The following KCNS3 variants were observed in gnomAD, a reference collection of about 807,000 sequenced individuals.
KCNS3 encodes the protein potassium voltage-gated channel modifier subfamily S member 3.
Under a neutral mutation model 31.0 loss-of-function variants are expected in KCNS3, and 13 were observed. That is an observed-to-expected ratio of 0.42 (90% CI 0.27 to 0.67). KCNS3 has a LOEUF of 0.67. Among genes scored for constraint, KCNS3 ranks in the 30% least tolerant of loss-of-function variants. KCNS3 has a pLI of 0.25. For synonymous variants in KCNS3, 238 were observed against 241.5 expected (o/e 0.99, Z 0.13); for missense variants, 545 against 622.4 (o/e 0.88, Z 1.32).
At chr2:17,892,040 T>A (rs1661868840) in intron 1 of KCNS3, among the ~76,000 whole-genome samples, 1 of 152,182 alleles carries the variant, frequency 6.6e-6, no homozygotes, top group Non-Finnish European at 1.5e-5. Flanking sequence ...TTTAGAATTC[T>A]CTTCTTCCTC....
intron 1 of KCNS3, among the ~76,000 whole-genome samples, chr2:17,903,082 G>A (rs761934812): frequency 4.6e-5 from 7 of 152,166 alleles, no homozygotes; most frequent in African/African-American, 7.2e-5. Flanking sequence ...CACGTTTGTT[G>A]TGATTTTTCT....
intron 1 of KCNS3, among the ~76,000 whole-genome samples, chr2:17,890,896 CTGT>C (rs1021520054): frequency 2.0e-5 from 3 of 152,094 alleles, no homozygotes; most frequent in Non-Finnish European, 4.4e-5. Context: ...AACGTGTATT[CTGT>C]GGTTGTTGGA....
At chr2:17,914,748 A>G (rs1361515429) in intron 1 of KCNS3, among the ~76,000 whole-genome samples, 2 of 152,138 alleles carry the variant, frequency 1.3e-5, no homozygotes, top group East Asian at 1.9e-4. Context: ...ATGTGACAAC[A>G]TTTCAGAAGA....
chr2:17,931,570 G>C lies in KCNS3; in HGVS notation c.562G>C (p.Ala188Pro). The stretch of plus-strand genomic sequence containing the variant: ...GTACTGCCTGTCCGCTAAGCTTATC[G>C]CTATCTCCTCCTTGAGCGTGGTGCT... ...PAYCLSAKLI[A>P]ISSLSVVLAS... Residue 188 changes from alanine to proline, a missense_variant, in exon 3 of 3, where the codon GCT becomes CCT. By Grantham distance (27) the Ala-to-Pro change is conservative (BLOSUM62 -1). Transcript: ENST00000304101. This position sits in a 1 kb window ranked among gnomAD's most constrained non-coding sequence, Gnocchi z 5.4. The C allele has an allele frequency of 1.2e-6, 2 of 1,614,132 alleles. 1 individual carries two copies. Among genetic ancestry groups the C allele is most frequent in the Non-Finnish European group, 1.7e-6 (2 of 1,180,004 alleles).
intron 2 of KCNS3, among the ~76,000 whole-genome samples, chr2:17,918,591 C>G (rs1310228964): frequency 1.3e-5 from 2 of 152,138 alleles, no homozygotes; most frequent in African/African-American, 2.4e-5. Flanking sequence ...AGCTCTTTGA[C>G]AAAAGTAGTA....
chr2:17,891,884 A>ACCTAGGTGTTTG (rs1661864936), intron 1 of KCNS3, among the ~76,000 whole-genome samples: 2 of 152,164 alleles, frequency 1.3e-5, no homozygotes, highest in Non-Finnish European at 2.9e-5. Flanking sequence ...AGCTTTGGGT[A>ACCTAGGTGTTTG]ACCTGTTGAC....
At chr2:17,907,043 A>G (rs1303231403) in intron 1 of KCNS3, among the ~76,000 whole-genome samples, 1 of 152,092 alleles carries the variant, frequency 6.6e-6, no homozygotes, top group South Asian at 2.1e-4. Context: ...TGATCTGTCT[A>G]ATGTTGACAG....
chr2:17,904,726 G>A (rs1469547720), intron 1 of KCNS3, among the ~76,000 whole-genome samples: 2 of 152,084 alleles, frequency 1.3e-5, no homozygotes, highest in Non-Finnish European at 2.9e-5. Flanking sequence ...AATCCTTTCC[G>A]CATTTCTTCT....
chr2:17,893,940 GTTT>G (rs5829612), intron 1 of KCNS3, among the ~76,000 whole-genome samples: 16 of 98,904 alleles, frequency 1.6e-4, no homozygotes, highest in East Asian at 9.3e-4. Flanking sequence ...CCAGGAGCCA[GTTT>G]TTTTTTTTTT....
In KCNS3 at chr2:17,930,620, T is replaced by C. The variant is rs1662939193; in HGVS notation, c.-59-330T>C. On this transcript the variant is annotated intron_variant, in intron 2 of 2. Coordinates refer to ENST00000304101, the MANE Select transcript of KCNS3 (RefSeq NM_002252.5). ...AGACGCTTGTATTATGTAAGTGATC[T>C]AAATTGCATTGTATTTTTGGGGGCA... is the stretch of plus-strand genomic sequence containing the variant. Among the ~76,000 whole-genome samples, 3 of 152,202 alleles carry C rather than the reference T, an allele frequency of 2.0e-5. No homozygotes were observed. The East Asian group carries it at 5.8e-4, about 29-fold the overall frequency.
rs1227632595 is a variant in KCNS3 at position 17,893,945 on chromosome 2, T to TTTTTTTG, written c.-252+15145_-252+15146insGTTTTTT. 1.0e-4 allele frequency among the ~76,000 whole-genome samples: 6 copies of TTTTTTTG among 59,488 alleles called. No individual in the cohort carries two copies. In the East Asian group the frequency reaches 1.0e-3, roughly 10 times the overall value. 39.0% of individuals were successfully genotyped at this position (59,488 alleles called of 152,430 possible). A position where few individuals can be genotyped will look rare whatever the true frequency, so the allele number is the denominator to read the frequency against. The stretch of plus-strand genomic sequence containing the variant: ...TGCCATGATCCCAGGAGCCAGTTTT[T>TTTTTTTG]TTTTTTTTTTTTTTTTTTTTTAATA... On this transcript the variant is annotated intron_variant, in intron 1 of 2. Transcript: ENST00000304101.
At chr2:17,918,479 A>G (rs908449153) in intron 2 of KCNS3, among the ~76,000 whole-genome samples, 3 of 152,192 alleles carry the variant, frequency 2.0e-5, no homozygotes, top group African/African-American at 2.4e-5. Context: ...CTCTTAGACA[A>G]GTGGGGACAG....
In KCNS3 at chr2:17,931,121, A is replaced by G. The variant is rs1171954199; in HGVS notation, c.113A>G (p.His38Arg). ...CAAAGCACCCTCCTGCGGTTTCCTC[A>G]CACCAGACTGGGGAAGCTGCTTACT... ...VDQSTLLRFP[H>R]TRLGKLLTCH... Residue 38 changes from histidine (H) to arginine (R), a missense_variant, in exon 3 of 3, where the codon CAC (histidine) becomes CGC (arginine). Coordinates refer to ENST00000304101, the MANE Select transcript of KCNS3 (RefSeq NM_002252.5). The surrounding 1 kb of genome is among the most constrained non-coding windows in gnomAD (Gnocchi z 5.4). The G allele has an allele frequency of 6.2e-7, 1 of 1,614,220 alleles. No homozygotes were observed. Among genetic ancestry groups the G allele is most frequent in the East Asian group, 2.2e-5 (1 of 44,890 alleles).
chr2:17,931,815 G>C lies in KCNS3; in HGVS notation c.807G>C (p.Thr269=), dbSNP rs778207777. The C allele has an allele frequency of 1.2e-6, 2 of 1,614,034 alleles. No individual in the cohort carries two copies. The highest frequency in any genetic ancestry group is 2.7e-5 in the African/African-American group (2 of 74,912). Residue 269 remains threonine (T), a synonymous_variant, in exon 3 of 3, where the codon ACG becomes ACC. Coordinates refer to ENST00000304101, the MANE Select transcript of KCNS3 (RefSeq NM_002252.5). The surrounding 1 kb of genome is among the most constrained non-coding windows in gnomAD (Gnocchi z 5.4). ...TCTCTATTATTCCCTTCTATGCCAC[G>C]TTGGCTGTAGACACCAAGGAGGAAG... ...DFVSIIPFYA[T]LAVDTKEEES...
At chr2:17,881,431 C>T (rs1166133763) in intron 1 of KCNS3, among the ~76,000 whole-genome samples, 2 of 152,178 alleles carry the variant, frequency 1.3e-5, no homozygotes, top group Non-Finnish European at 1.5e-5. Context: ...CTTGACATGT[C>T]ATTTTGCTAA....
intron 1 of KCNS3, among the ~76,000 whole-genome samples, chr2:17,904,385 A>G (rs1260999469): frequency 1.3e-5 from 2 of 152,310 alleles, no homozygotes; most frequent in African/African-American, 4.8e-5. Context: ...GTAGATTGCA[A>G]AAATGTTCTC....
rs753429258 is a variant in KCNS3 at position 17,932,491 on chromosome 2, G to A, written c.*7G>A. 5.6e-6 allele frequency: 9 copies of A among 1,600,000 alleles called. No homozygotes were observed. The African/African-American group carries it at 6.7e-5, about 12-fold the overall frequency. On this transcript the variant is annotated 3_prime_UTR_variant, in exon 3 of 3. Transcript: ENST00000304101. ...GAATTGCACAGCAAAATGAGCGGGG[G>A]TGTTTGTGCCTGTTTCTCTTATCCT...
At chr2:17,899,925 G>A (rs907168226) in intron 1 of KCNS3, among the ~76,000 whole-genome samples, 7 of 152,218 alleles carry the variant, frequency 4.6e-5, no homozygotes, top group Admixed American at 6.5e-5. Context: ...CCAAAATACA[G>A]TTGAATTTAA....
chr2:17,897,052 C>A (rs1204319030), intron 1 of KCNS3, among the ~76,000 whole-genome samples: 1 of 151,852 alleles, frequency 6.6e-6, no homozygotes, highest in African/African-American at 2.4e-5. Flanking sequence ...TGCTACCTCC[C>A]CCATCAGTAG....
Sources: allele counts gnomAD v4.1 joint callset (sites outside exome capture counted in the v4.1 genomes callset), GRCh38; gene constraint gnomAD v4.1.1; non-coding constraint Gnocchi (gnomAD v3.1); transcripts MANE v1.5; gene names NCBI Gene and HGNC (gene_info 2026-07-23, HGNC 2026-07-21).